The following DLG2 variants were observed in gnomAD, a reference collection of about 807,000 sequenced individuals.
DLG2 encodes the protein discs large MAGUK scaffold protein 2, also known as disks large homolog 2.
A neutral mutation model predicts 132.5 loss-of-function variants in DLG2; 45 were observed. The ratio of observed to expected loss-of-function variants is 0.34; its 90% CI spans 0.27 to 0.44. DLG2 has a LOEUF of 0.44. Among genes scored for constraint, DLG2 ranks in the 20% least tolerant of loss-of-function variants. The pLI is 1.00. For synonymous variants in DLG2, 424 were observed against 419.6 expected (o/e 1.01, Z -0.13); for missense variants, 1,045 against 1,196.9 (o/e 0.87, Z 1.87).
chr11:84,096,555 G>C (rs779829443), intron 10 of DLG2, among the ~76,000 whole-genome samples: 3 of 152,030 alleles, frequency 2.0e-5, no homozygotes, highest in Non-Finnish European at 4.4e-5. Context: ...GCCAGAATTT[G>C]GTTAAAGGGT....
intron 6 of DLG2, among the ~76,000 whole-genome samples, chr11:84,748,318 C>T (rs1050759698): frequency 6.6e-6 from 1 of 152,140 alleles, no homozygotes; most frequent in Non-Finnish European, 1.5e-5. Flanking sequence ...ATGAGGAAGA[C>T]TTGGGCCCTG....
chr11:84,999,753 T>C (rs1315346126), intron 6 of DLG2, among the ~76,000 whole-genome samples: 2 of 152,116 alleles, frequency 1.3e-5, no homozygotes, highest in Non-Finnish European at 2.9e-5. Context: ...AGGGTTTCAA[T>C]TTAGCATTCC....
At chr11:84,932,935 C>G (rs752897150) in intron 6 of DLG2, among the ~76,000 whole-genome samples, 6 of 152,146 alleles carry the variant, frequency 3.9e-5, no homozygotes, top group Non-Finnish European at 7.4e-5. Context: ...GAGGAATCAC[C>G]GTAATATCTT....
At chr11:83,925,366 T>C (rs566317094) in intron 15 of DLG2, among the ~76,000 whole-genome samples, 1 of 152,264 alleles carries the variant, frequency 6.6e-6, no homozygotes, top group Admixed American at 6.5e-5. Flanking sequence ...GATTCATGAA[T>C]TGTTCTTTGC....
At chr11:84,820,086 A>G (rs1168271732) in intron 6 of DLG2, among the ~76,000 whole-genome samples, 1 of 151,002 alleles carries the variant, frequency 6.6e-6, no homozygotes, top group Non-Finnish European at 1.5e-5. Context: ...ACAGAGATCC[A>G]CAAGACAATG....
At chr11:83,900,404 C>T (rs185111765) in intron 15 of DLG2, among the ~76,000 whole-genome samples, 185 of 152,278 alleles carry the variant, frequency 1.2e-3, no homozygotes, top group African/African-American at 4.2e-3. Flanking sequence ...GCAGCCCCTC[C>T]CATCACAGAG....
intron 3 of DLG2, among the ~76,000 whole-genome samples, chr11:85,410,467 T>G (rs1208044126): frequency 6.6e-6 from 1 of 151,736 alleles, no homozygotes; most frequent in African/African-American, 2.4e-5. Context: ...GTTAGGAAAT[T>G]GTCATAATAT....
chr11:85,135,676 T>C (rs966491022), intron 5 of DLG2, among the ~76,000 whole-genome samples: 2 of 152,204 alleles, frequency 1.3e-5, no homozygotes, highest in Non-Finnish European at 2.9e-5. Flanking sequence ...GAGCACTCAT[T>C]ATGTGATTAT....
intron 3 of DLG2, among the ~76,000 whole-genome samples, chr11:85,428,348 T>C (rs909647564): frequency 6.6e-6 from 1 of 152,140 alleles, no homozygotes; most frequent in Non-Finnish European, 1.5e-5. Context: ...CACACCCCAC[T>C]TATTCCAAAA....
chr11:84,581,722 C>G (rs1266480297), intron 6 of DLG2, among the ~76,000 whole-genome samples: 1 of 151,900 alleles, frequency 6.6e-6, no homozygotes, highest in African/African-American at 2.4e-5. Flanking sequence ...TCCTGGCCAA[C>G]ATGGTGAAAA....
intron 3 of DLG2, among the ~76,000 whole-genome samples, chr11:85,383,897 A>T (rs1198821607): frequency 6.6e-6 from 1 of 152,064 alleles, no homozygotes; most frequent in Admixed American, 6.6e-5. Context: ...GGCTTTCTTA[A>T]ATGTGCTCCA....
intron 3 of DLG2, among the ~76,000 whole-genome samples, chr11:85,509,222 C>T (rs889972242): frequency 6.6e-6 from 1 of 152,012 alleles, no homozygotes; most frequent in Non-Finnish European, 1.5e-5. Flanking sequence ...AGAAATAAAT[C>T]TAACAGAAAC....
At chr11:84,205,763 G>T (rs967763042) in intron 8 of DLG2, among the ~76,000 whole-genome samples, 2 of 151,910 alleles carry the variant, frequency 1.3e-5, no homozygotes, top group Non-Finnish European at 2.9e-5. Context: ...AAAAACCAAT[G>T]ATCTAAGCTT....
At chr11:85,372,096 C>A (rs2085027079) in intron 3 of DLG2, among the ~76,000 whole-genome samples, 1 of 152,118 alleles carries the variant, frequency 6.6e-6, no homozygotes, top group Non-Finnish European at 1.5e-5. Flanking sequence ...TCCTTTGAAC[C>A]AAGGAGCAAT....
At chr11:84,940,910 T>C (rs1252998363) in intron 6 of DLG2, among the ~76,000 whole-genome samples, 1 of 152,206 alleles carries the variant, frequency 6.6e-6, no homozygotes, top group Non-Finnish European at 1.5e-5. Flanking sequence ...TTGTATATAG[T>C]AAGAGATAGC....
chr11:83,461,942 G>C (rs1451517862), intron 27 of DLG2, 60 bp downstream of exon 27: 2 of 1,185,490 alleles, frequency 1.7e-6, no homozygotes, highest in Admixed American at 1.7e-5. Context: ...AACCCTCTCT[G>C]TGCCAAATGT....
intron 6 of DLG2, among the ~76,000 whole-genome samples, chr11:84,670,468 G>A (rs1450603930): frequency 1.3e-5 from 2 of 152,124 alleles, no homozygotes; most frequent in Admixed American, 6.6e-5. Flanking sequence ...AGAGCAGGGC[G>A]CTTATGATGG....
chr11:84,998,699 C>T (rs570198440), intron 6 of DLG2, among the ~76,000 whole-genome samples: 2 of 152,076 alleles, frequency 1.3e-5, no homozygotes, highest in African/African-American at 4.8e-5. Context: ...GAATTATTAG[C>T]CTGAAATTAT....
chr11:85,101,483 T>G (rs911690497), intron 6 of DLG2, among the ~76,000 whole-genome samples: 3 of 152,108 alleles, frequency 2.0e-5, no homozygotes, highest in Non-Finnish European at 2.9e-5. Context: ...TAATTAAGGT[T>G]TGTGGGTATT....
Sources: allele counts gnomAD v4.1 joint callset (sites outside exome capture counted in the v4.1 genomes callset), GRCh38; gene constraint gnomAD v4.1.1; transcripts MANE v1.5; gene names NCBI Gene and HGNC (gene_info 2026-07-23, HGNC 2026-07-21).